DCLRE1C: variants seen among roughly 807,000 people sequenced by gnomAD.
The protein encoded by DCLRE1C is protein artemis.
A neutral mutation model predicts 61.4 loss-of-function variants in DCLRE1C; 47 were observed. The observed-to-expected ratio is 0.77, with a 90% CI of 0.61 to 0.98. The LOEUF is 0.98. Ranked by LOEUF, DCLRE1C falls within the 50% of genes least tolerant of loss-of-function variation. DCLRE1C has a pLI of 0.00. For synonymous variants in DCLRE1C, 337 were observed against 287.6 expected (o/e 1.17, Z -1.74); for missense variants, 858 against 816.0 (o/e 1.05, Z -0.63).
At chr10:14,948,818 C>T (rs1278042671) in intron 2 of DCLRE1C, among the ~76,000 whole-genome samples, 1 of 149,846 alleles carries the variant, frequency 6.7e-6, no homozygotes, top group Non-Finnish European at 1.5e-5. Context: ...CAAAGCTAAC[C>T]CATGATGACA....
At chr10:14,921,603 A>T (rs1275291337) in intron 12 of DCLRE1C, among the ~76,000 whole-genome samples, 3 of 152,180 alleles carry the variant, frequency 2.0e-5, no homozygotes, top group Non-Finnish European at 4.4e-5. Context: ...CTCACTGAGC[A>T]CACACAAATG....
chr10:14,908,526 G>C lies in DCLRE1C; in HGVS notation c.1961C>G (p.Pro654Arg). The C allele has an allele frequency of 6.2e-7, 1 of 1,614,022 alleles. No homozygotes were observed. The highest frequency in any genetic ancestry group is 1.1e-5 in the South Asian group (1 of 91,074). ...AGGTAACTCAGCTTCTGGAGTTGAG[G>C]GAACTTCAAAATCAGAAGAGCTCTG... is the stretch of plus-strand genomic sequence containing the variant. ...DSQSSSDFEV[P>R]STPEAELPKR... The change falls in exon 14 of 14, where the codon CCC becomes CGC. Residue 654 changes from proline to arginine, a missense_variant. This residue lies in a region of DCLRE1C where 843 missense variants were observed against 783.5 expected (regional missense o/e 1.08). Coordinates refer to ENST00000378278, the MANE Select transcript of DCLRE1C (RefSeq NM_001033855.3).
chr10:14,919,846 G>C lies in DCLRE1C; in HGVS notation c.1062-14C>G. 1.3e-6 allele frequency: 2 copies of C among 1,589,890 alleles called. No individual in the cohort carries two copies. The highest frequency in any genetic ancestry group is 1.7e-6 in the Non-Finnish European group (2 of 1,158,064). On this transcript the variant is annotated splice_polypyrimidine_tract_variant and intron_variant, in intron 12 of 13. Coordinates refer to ENST00000378278, the MANE Select transcript of DCLRE1C (RefSeq NM_001033855.3). ...AAAGGCTTTAAGCTGAAATGAATCAGAATATTTGATTTTTCCTTTTGAGGA... is the reference window on the plus strand; with the variant it reads ...AAAGGCTTTAAGCTGAAATGAATCACAATATTTGATTTTTCCTTTTGAGGA...
rs747818099 is a variant in DCLRE1C, at chr10:14,926,870, A to G, written c.945T>C (p.Cys315=). 1.9e-5 allele frequency: 30 copies of G among 1,613,614 alleles called. No homozygotes were observed. The highest frequency in any genetic ancestry group is 4.0e-5 in the African/African-American group (3 of 75,010). ...VRTGESSYRA[C]FSFHSSYSEI... ...CACTGTAGGAGGAGTGAAAAGAAAA[A>G]CAAGCTCTGTATGAACTCTCTCCAG... The change falls in exon 11 of 14, where the codon TGT becomes TGC. Residue 315 remains cysteine (C), a synonymous_variant. Transcript: ENST00000378278.
chr10:14,910,164 T>G (rs189707872), intron 13 of DCLRE1C, among the ~76,000 whole-genome samples: 1 of 152,162 alleles, frequency 6.6e-6, no homozygotes, highest in Non-Finnish European at 1.5e-5. Flanking sequence ...GAGACCATTA[T>G]CCAGCTCCCA....
At chr10:14,903,421 A>G (rs1834152526), downstream of DCLRE1C, 1 of 152,244 alleles carries the variant, frequency 6.6e-6, no homozygotes, top group African/African-American at 2.4e-5. Context: ...TGTAATGTAC[A>G]TTAACATTAC....
In DCLRE1C at chr10:14,923,044, C is replaced by G. The variant is rs1305615100; in HGVS notation, c.998G>C (p.Cys333Ser). The change falls in exon 12 of 14, where the codon TGT becomes TCT. Residue 333 changes from cysteine (C) to serine (S), a missense_variant. Cys to Ser is a moderately radical substitution (Grantham distance 112). Around this residue, in one of 2 missense-constraint regions of DCLRE1C, gnomAD observed 843 missense variants for 783.5 expected, o/e 1.08. Coordinates refer to ENST00000378278, the MANE Select transcript of DCLRE1C (RefSeq NM_001033855.3). ...SEIKDFLSYLCPVNAYPNVIP... is the reference protein window; with the variant it reads ...SEIKDFLSYLSPVNAYPNVIP... The stretch of plus-strand genomic sequence containing the variant: ...GACATTTGGATATGCGTTCACAGGA[C>G]AGAGGTAGCTCAAGAAATCTTTAAT... The G allele has an allele frequency of 6.2e-7, 1 of 1,613,888 alleles. No individual in the cohort carries two copies. The highest frequency in any genetic ancestry group is 1.1e-5 in the South Asian group (1 of 91,086).
intron 9 of DCLRE1C, among the ~76,000 whole-genome samples, chr10:14,930,729 G>A (rs1015368048): frequency 3.9e-5 from 6 of 152,004 alleles, no homozygotes; most frequent in South Asian, 4.2e-4. Context: ...CACCACACCC[G>A]GCCGGTTTAC....
chr10:14,944,265 A>G (rs564780849), intron 3 of DCLRE1C, among the ~76,000 whole-genome samples: 140 of 152,278 alleles, frequency 9.2e-4, no homozygotes, highest in African/African-American at 3.0e-3. Context: ...GGGTGGAACC[A>G]AGGTGGGTGG....
intron 3 of DCLRE1C, among the ~76,000 whole-genome samples, chr10:14,944,734 G>A (rs540700859): frequency 2.2e-4 from 33 of 147,446 alleles, no homozygotes; most frequent in African/African-American, 8.0e-4. Context: ...GAGTGCAGTG[G>A]CGTGATCTCA....
chr10:14,922,513 A>G (rs1238752994), intron 12 of DCLRE1C, among the ~76,000 whole-genome samples: 1 of 152,124 alleles, frequency 6.6e-6, no homozygotes. Context: ...GTAATACTGT[A>G]GTAAAAGACA....
At position 14,945,190 on chromosome 10, in the gene DCLRE1C, C is replaced by A. The variant is rs149090997; in HGVS notation, c.162-1G>T. On this transcript the variant is annotated splice_acceptor_variant, in intron 2 of 13. Transcript: ENST00000378278. LOFTEE classifies it high-confidence loss of function. ...TGAACAGTATAGATAAACCTTCAAG[C>A]TGAAAGGAAAAAAGAAAAAAACTTT... The A allele has an allele frequency of 6.2e-7, 1 of 1,611,314 alleles. No homozygotes were observed. The highest frequency in any genetic ancestry group is 1.3e-5 in the African/African-American group (1 of 74,764).
Position 14,934,486 on chromosome 10 carries a change from C to G in DCLRE1C, c.572G>C (p.Arg191Pro). ...ECLSGVLELVRSWITRSPYHV... is the reference protein window; with the variant it reads ...ECLSGVLELVPSWITRSPYHV... ...GTACGGGCTCCGAGTGATCCAGCTT[C>G]GGACCAGCTCTAAGACTCCACTTAA... Residue 191 changes from arginine to proline, a missense_variant, in exon 8 of 14, where the codon CGA becomes CCA. By Grantham distance (103) the Arg-to-Pro change is moderately radical (BLOSUM62 -2). Around this residue, in one of 2 missense-constraint regions of DCLRE1C, gnomAD observed 843 missense variants for 783.5 expected, o/e 1.08. Transcript: ENST00000378278. 6.2e-7 allele frequency: 1 copy of G among 1,614,216 alleles called. No individual in the cohort carries two copies. Among genetic ancestry groups the G allele is most frequent in the Non-Finnish European group, 8.5e-7 (1 of 1,180,044 alleles).
At position 14,932,901 on chromosome 10, in the gene DCLRE1C, G is replaced by C; in HGVS notation, c.733C>G (p.Leu245Val). 6.2e-7 allele frequency: 1 copy of C among 1,614,224 alleles called. No individual in the cohort carries two copies. Among genetic ancestry groups the C allele is most frequent in the Non-Finnish European group, 8.5e-7 (1 of 1,180,044 alleles). ...ATCTGAGTGTTGCGGTCTGTTGTGA[G>C]ATGATGAAGGATCTCAGGCATGTTC... ...FRNMPEILHH[L>V]TTDRNTQIHA... The change falls in exon 9 of 14, where the codon CTC becomes GTC. Residue 245 changes from leucine (L) to valine (V), a missense_variant. Leu to Val is a conservative substitution (Grantham distance 32). Coordinates refer to ENST00000378278, the MANE Select transcript of DCLRE1C (RefSeq NM_001033855.3).
chr10:14,930,635 A>G (rs1411263258), intron 9 of DCLRE1C, among the ~76,000 whole-genome samples: 1 of 151,958 alleles, frequency 6.6e-6, no homozygotes, highest in East Asian at 1.9e-4. Flanking sequence ...GTTTTGCCAC[A>G]CTGAGCAGAC....
At chr10:14,919,990 T>G (rs979724753) in intron 12 of DCLRE1C, among the ~76,000 whole-genome samples, 158 bp from the exon 13 acceptor site, 1 of 152,106 alleles carries the variant, frequency 6.6e-6, no homozygotes, top group Non-Finnish European at 1.5e-5. Context: ...CACAACTACT[T>G]TGGAGGATTG....
intron 4 of DCLRE1C, among the ~76,000 whole-genome samples, chr10:14,937,281 C>CTTTTTTTT (rs1162058273): frequency 5.4e-5 from 6 of 110,596 alleles, no homozygotes; most frequent in African/African-American, 1.5e-4. Flanking sequence ...AAGCTATTTA[C>CTTTTTTTT]TTTTTTTTTT....
At chr10:14,939,542 T>C (rs191901534) in intron 4 of DCLRE1C, among the ~76,000 whole-genome samples, 24 of 152,030 alleles carry the variant, frequency 1.6e-4, no homozygotes, top group Non-Finnish European at 2.2e-4. Flanking sequence ...AAGCAACAAG[T>C]GTCTATTGTA....
chr10:14,952,454 G>A (rs1313827581), intron 1 of DCLRE1C, among the ~76,000 whole-genome samples: 1 of 152,122 alleles, frequency 6.6e-6, no homozygotes, highest in East Asian at 1.9e-4. Context: ...TGGGTGTGGT[G>A]GTGCGTGCCT....
Sources: allele counts gnomAD v4.1 joint callset (sites outside exome capture counted in the v4.1 genomes callset), GRCh38; gene constraint gnomAD v4.1.1; regional missense constraint gnomAD v4.1.1; transcripts MANE v1.5; gene names NCBI Gene and HGNC (gene_info 2026-07-23, HGNC 2026-07-21).